Variants in CPA6 observed in about 807,000 individuals in gnomAD.
The protein encoded by CPA6 is carboxypeptidase B.
A neutral mutation model predicts 63.3 loss-of-function variants in CPA6; 58 were observed. The observed-to-expected ratio is 0.92, with a 90% CI of 0.74 to 1.14. The LOEUF (loss-of-function observed/expected upper bound fraction) is 1.14, where lower values mean the gene tolerates loss of function less well. CPA6 is among the 50% of genes most tolerant of loss of function. The pLI, the probability that CPA6 is intolerant of heterozygous loss-of-function variation, is 0.00. For missense variants in CPA6, 565 were observed against 526.6 expected, an observed-to-expected ratio of 1.07 and a Z score of -0.71; for synonymous variants, 185 against 179.0, an observed-to-expected ratio of 1.03 and a Z score of -0.27.
chr8:67,719,125 C>T (rs959829729), intron 1 of CPA6, among the ~76,000 whole-genome samples: 1 of 152,072 alleles, frequency 6.6e-6, no homozygotes, highest in Non-Finnish European at 1.5e-5. Flanking sequence ...CTTTTTGGAG[C>T]ATTTACTATT....
At chr8:67,700,578 A>T (rs1817003677) in intron 1 of CPA6, among the ~76,000 whole-genome samples, 2 of 152,204 alleles carry the variant, frequency 1.3e-5, no homozygotes, top group Non-Finnish European at 2.9e-5. Context: ...ATAATCAACA[A>T]ATGTATAAAG....
chr8:67,455,683 A>AAAAAAAAAAAG (rs1810658031), intron 8 of CPA6, among the ~76,000 whole-genome samples: 1 of 150,312 alleles, frequency 6.7e-6, no homozygotes, highest in African/African-American at 2.4e-5. Flanking sequence ...AAAAAAAAAA[A>AAAAAAAAAAAG]AAAAAAAAAA....
chr8:67,662,410 C>A lies in CPA6; in HGVS notation c.117-38159G>T, dbSNP rs62511382. Among the ~76,000 whole-genome samples, 5 of 140,402 alleles carry A rather than the reference C, an allele frequency of 3.6e-5. No homozygotes were observed. The East Asian group carries it at 8.4e-4, about 24-fold the overall frequency. 92.1% of individuals were successfully genotyped at this position (140,402 alleles called of 152,430 possible). ...AAATGAGACTACATATATACACACA[C>A]GTATATGTATATATAGAATACATAC... On this transcript the variant is annotated intron_variant, in intron 1 of 10. Coordinates refer to ENST00000297770, the MANE Select transcript of CPA6 (RefSeq NM_020361.5).
chr8:67,719,232 A>C (rs1424782361), intron 1 of CPA6, among the ~76,000 whole-genome samples: 1 of 152,122 alleles, frequency 6.6e-6, no homozygotes, highest in Non-Finnish European at 1.5e-5. Context: ...GCCAGGGGAG[A>C]GATGTCCCTG....
At chr8:67,580,669 T>C (rs1813747974) in intron 2 of CPA6, among the ~76,000 whole-genome samples, 1 of 152,306 alleles carries the variant, frequency 6.6e-6, no homozygotes, top group Middle Eastern at 3.4e-3. Flanking sequence ...TTGACTGTTA[T>C]GTCCTTCAAG....
At chr8:67,516,856 G>C (rs1812155255) in intron 3 of CPA6, among the ~76,000 whole-genome samples, 1 of 152,042 alleles carries the variant, frequency 6.6e-6, no homozygotes, top group Admixed American at 6.5e-5. Flanking sequence ...GAGTGCAGTG[G>C]CGCGATCTCA....
chr8:67,558,601 GT>G (rs1157131676), intron 2 of CPA6, among the ~76,000 whole-genome samples: 2 of 152,320 alleles, frequency 1.3e-5, no homozygotes, highest in Admixed American at 1.3e-4. Context: ...GTGGGCAACA[GT>G]TTTCATTGGA....
chr8:67,681,974 G>T (rs537002606), intron 1 of CPA6, among the ~76,000 whole-genome samples: 2 of 152,042 alleles, frequency 1.3e-5, no homozygotes, highest in African/African-American at 4.8e-5. Context: ...GAATTGCACT[G>T]AATCTATAGA....
chr8:67,720,258 G>A (rs1008809032), intron 1 of CPA6, among the ~76,000 whole-genome samples: 2 of 151,998 alleles, frequency 1.3e-5, no homozygotes, highest in African/African-American at 2.4e-5. Context: ...GGCAAGGACC[G>A]GCCATTTACA....
At chr8:67,653,091 T>C (rs990578099) in intron 1 of CPA6, among the ~76,000 whole-genome samples, 1 of 152,166 alleles carries the variant, frequency 6.6e-6, no homozygotes, top group African/African-American at 2.4e-5. Flanking sequence ...TTGTGTTCCA[T>C]TGATCTATAT....
intron 1 of CPA6, among the ~76,000 whole-genome samples, chr8:67,670,044 T>C (rs1449965021): frequency 1.3e-5 from 2 of 152,218 alleles, no homozygotes; most frequent in South Asian, 2.1e-4. Flanking sequence ...CTAGTCTATA[T>C]AGAATAGCAC....
intron 9 of CPA6, among the ~76,000 whole-genome samples, chr8:67,433,281 G>C (rs1046443192): frequency 1.3e-5 from 2 of 152,156 alleles, no homozygotes; most frequent in African/African-American, 4.8e-5. Flanking sequence ...AGTACCACCT[G>C]ACTTCTAGCA....
At chr8:67,586,275 C>T (rs557312332) in intron 2 of CPA6, among the ~76,000 whole-genome samples, 1 of 152,214 alleles carries the variant, frequency 6.6e-6, no homozygotes, top group African/African-American at 2.4e-5. Flanking sequence ...AGTTCTGCTG[C>T]AAGTACTACT....
chr8:67,480,096 AT>A (rs2128960752), intron 8 of CPA6, among the ~76,000 whole-genome samples: 1 of 152,320 alleles, frequency 6.6e-6, no homozygotes, highest in East Asian at 1.9e-4. Context: ...AATTTATAAT[AT>A]TAGGTAACTG....
chr8:67,717,524 T>TCACCCATA, intron 1 of CPA6, among the ~76,000 whole-genome samples: 1 of 152,368 alleles, frequency 6.6e-6, no homozygotes, highest in South Asian at 2.1e-4. Flanking sequence ...ATAACCACTC[T>TCACCCATA]TACCCATATG....
At chr8:67,532,543 G>A (rs745310048) in intron 2 of CPA6, among the ~76,000 whole-genome samples, 2 of 152,028 alleles carry the variant, frequency 1.3e-5, no homozygotes, top group Non-Finnish European at 2.9e-5. Context: ...TTAGCCAGGC[G>A]TGGTGGCGAG....
chr8:67,496,841 G>A (rs1477669857), intron 6 of CPA6, among the ~76,000 whole-genome samples: 1 of 151,974 alleles, frequency 6.6e-6, no homozygotes, highest in Admixed American at 6.6e-5. Context: ...TTACAGGCGT[G>A]AGCCACGGTG....
rs1810107819 is a variant in CPA6 at position 67,434,705 on chromosome 8, TGCAGCTGCA to T, written c.839-474_839-466del. Among the ~76,000 whole-genome samples the T allele has an allele frequency of 3.9e-5, 6 of 152,198 alleles. 1 individual carries two copies. Among genetic ancestry groups the T allele is most frequent in the African/African-American group, 1.4e-4 (6 of 41,570 alleles). On this transcript the variant is annotated intron_variant, in intron 8 of 10. Coordinates refer to ENST00000297770, the MANE Select transcript of CPA6 (RefSeq NM_020361.5). The stretch of plus-strand genomic sequence containing the variant: ...ACACAAGTCTCATGGCCGCAGCAGC[TGCAGCTGCA>T]GCAGTGGCAGCAGCAGGCGGACCTC...
chr8:67,433,710 T>C (rs1016809459), intron 9 of CPA6, among the ~76,000 whole-genome samples: 20 of 152,208 alleles, frequency 1.3e-4, no homozygotes, highest in African/African-American at 4.6e-4. Flanking sequence ...AGGTTTGAAA[T>C]GATTGTATTT....
Sources: gnomAD v4.1 joint callset for allele counts (sites outside exome capture counted in the v4.1 genomes callset) on GRCh38, gnomAD v4.1.1 for gene constraint, MANE v1.5 for transcripts, NCBI Gene and HGNC (gene_info 2026-07-23, HGNC 2026-07-21) for gene names.